Variants in LRRTM4 observed in about 807,000 individuals in gnomAD.
The protein encoded by LRRTM4 is leucine-rich repeat transmembrane neuronal protein 4.
LRRTM4 carries 25 observed loss-of-function variants against 47.6 expected under a neutral mutation model. The observed-to-expected ratio is 0.53, with a 90% CI of 0.38 to 0.73. The LOEUF is 0.73. LRRTM4 is among the 30% of genes least tolerant of loss of function. The pLI is 0.00. For missense variants in LRRTM4, 638 were observed against 713.4 expected, an observed-to-expected ratio of 0.89 and a Z score of 1.20; for synonymous variants, 311 against 269.5, an observed-to-expected ratio of 1.15 and a Z score of -1.51.
intron 3 of LRRTM4, among the ~76,000 whole-genome samples, chr2:77,289,851 T>C (rs1473242954): frequency 1.3e-5 from 2 of 152,014 alleles, no homozygotes; most frequent in Non-Finnish European, 2.9e-5. Context: ...CCCATGTTTC[T>C]CAAAATAGTG....
chr2:76,945,236 T>C (rs892683521), intron 3 of LRRTM4, among the ~76,000 whole-genome samples: 3 of 152,008 alleles, frequency 2.0e-5, no homozygotes, highest in Admixed American at 6.6e-5. Context: ...TCTAGAGAAA[T>C]TGTTCACAAA....
At chr2:76,774,048 C>A (rs35952277) in intron 3 of LRRTM4, among the ~76,000 whole-genome samples, 2,616 of 152,098 alleles carry the variant, frequency 0.017, 29 homozygotes, top group South Asian at 0.029. Context: ...TTTTGACTAC[C>A]CGAAAACTTA....
At position 76,940,812 on chromosome 2, in the gene LRRTM4, A is replaced by G. The variant is rs1258252591; in HGVS notation, c.1552-191896T>C. Among the ~76,000 whole-genome samples, 3 of 152,170 alleles carry G rather than the reference A, an allele frequency of 2.0e-5. No individual in the cohort carries two copies. In the East Asian group the frequency reaches 5.8e-4, roughly 29 times the overall value. On this transcript the variant is annotated intron_variant, in intron 3 of 3. Coordinates refer to ENST00000409884, the MANE Select transcript of LRRTM4 (RefSeq NM_001134745.3). ...TAACCTGAACTCCCTTCTTAAGCCC[A>G]GAATTTAAACCTGATAGCTTAGTCC... is the stretch of plus-strand genomic sequence containing the variant.
chr2:76,805,595 A>C (rs1368941875), intron 3 of LRRTM4, among the ~76,000 whole-genome samples: 1 of 152,220 alleles, frequency 6.6e-6, no homozygotes, highest in Non-Finnish European at 1.5e-5. Context: ...GCATATACTT[A>C]ATTGAGTGTT....
intron 3 of LRRTM4, among the ~76,000 whole-genome samples, chr2:77,249,490 A>T (rs199774860): frequency 9.8e-5 from 3 of 30,620 alleles, no homozygotes; most frequent in African/African-American, 1.6e-4. Flanking sequence ...TGAAAATATT[A>T]AAAAAAAAAC....
chr2:76,788,331 G>C (rs952222046), intron 3 of LRRTM4, among the ~76,000 whole-genome samples: 1 of 152,178 alleles, frequency 6.6e-6, no homozygotes, highest in Non-Finnish European at 1.5e-5. Flanking sequence ...ATTTGCCCTA[G>C]ATATCCGTCT....
intron 3 of LRRTM4, among the ~76,000 whole-genome samples, chr2:77,062,811 A>G (rs1424271379): frequency 6.6e-6 from 1 of 152,184 alleles, no homozygotes; most frequent in African/African-American, 2.4e-5. Flanking sequence ...ATGTTGGCAC[A>G]AGATACAATA....
Position 77,279,227 on chromosome 2 carries a change from C to T in LRRTM4, c.1551+239091G>A, listed in dbSNP as rs1055263753. 6.6e-5 allele frequency among the ~76,000 whole-genome samples: 10 copies of T among 151,926 alleles called. No individual in the cohort carries two copies. In the East Asian group the frequency reaches 7.7e-4, roughly 12 times the overall value. ...TATTATAGACTCCAAAATCTCTTTCCGTGGACCTACTAAATACATATTAAG... is the reference window on the plus strand; with the variant it reads ...TATTATAGACTCCAAAATCTCTTTCTGTGGACCTACTAAATACATATTAAG... On this transcript the variant is annotated intron_variant, in intron 3 of 3. Coordinates refer to ENST00000409884, the MANE Select transcript of LRRTM4 (RefSeq NM_001134745.3).
At chr2:77,170,585 T>C (rs906471520) in intron 3 of LRRTM4, among the ~76,000 whole-genome samples, 1 of 152,112 alleles carries the variant, frequency 6.6e-6, no homozygotes, top group Admixed American at 6.6e-5. Context: ...TAGTAACTTG[T>C]TTTTGGAGTC....
At chr2:77,392,145 A>G (rs1223958707) in intron 3 of LRRTM4, among the ~76,000 whole-genome samples, 1 of 152,018 alleles carries the variant, frequency 6.6e-6, no homozygotes, top group Non-Finnish European at 1.5e-5. Context: ...CTTCACCTAC[A>G]TGACAAGAAC....
In LRRTM4 at chr2:77,467,122, G is replaced by GTTGTTT. The variant is rs1406034003; in HGVS notation, c.1551+51195_1551+51196insAAACAA. Reference sequence around the variant, plus strand: ...AGGCTGTTTTGTTGTTGTTGTTGTTGTTGTAATCATTTTGATTATTTTGGT... The same window carrying GTTGTTT: ...AGGCTGTTTTGTTGTTGTTGTTGTTGTTGTTTTTGTAATCATTTTGATTATTTTGGT... On this transcript the variant is annotated intron_variant, in intron 3 of 3. Transcript: ENST00000409884. 2.0e-5 allele frequency among the ~76,000 whole-genome samples: 3 copies of GTTGTTT among 152,208 alleles called. No individual in the cohort carries two copies. In the South Asian group the frequency reaches 6.2e-4, roughly 32 times the overall value.
chr2:77,445,019 GT>G (rs1466074028), intron 3 of LRRTM4, among the ~76,000 whole-genome samples: 1 of 150,484 alleles, frequency 6.6e-6, no homozygotes, highest in East Asian at 1.9e-4. Flanking sequence ...AAATTCTTAG[GT>G]GATTTTTGCA....
chr2:77,095,050 T>C (rs901107007), intron 3 of LRRTM4, among the ~76,000 whole-genome samples: 5 of 152,226 alleles, frequency 3.3e-5, no homozygotes, highest in African/African-American at 9.6e-5. Flanking sequence ...GTATCCAAAA[T>C]ATGTAAGAAA....
chr2:76,918,333 A>G (rs1674322805), intron 3 of LRRTM4, among the ~76,000 whole-genome samples: 1 of 152,194 alleles, frequency 6.6e-6, no homozygotes, highest in Non-Finnish European at 1.5e-5. Context: ...TTTTTACTTG[A>G]GGTGTAATCA....
At chr2:76,910,083 C>T (rs1448944230) in intron 3 of LRRTM4, among the ~76,000 whole-genome samples, 3 of 152,010 alleles carry the variant, frequency 2.0e-5, no homozygotes, top group Non-Finnish European at 4.4e-5. Flanking sequence ...ATAGCAAAGA[C>T]TTGGAACCAA....
intron 3 of LRRTM4, among the ~76,000 whole-genome samples, chr2:77,209,069 C>T (rs538179288): frequency 1.3e-5 from 2 of 152,252 alleles, no homozygotes; most frequent in South Asian, 2.1e-4. Flanking sequence ...TGTCCTATCA[C>T]CAGCGCTCTC....
At chr2:76,922,885 C>T (rs72821289) in intron 3 of LRRTM4, among the ~76,000 whole-genome samples, 18,471 of 151,752 alleles carry the variant, frequency 0.12, 1,567 homozygotes, top group East Asian at 0.46. Flanking sequence ...ATCTCCTAGA[C>T]GGAGAAAATT....
At chr2:77,020,309 T>A (rs1327544518) in intron 3 of LRRTM4, among the ~76,000 whole-genome samples, 1 of 152,164 alleles carries the variant, frequency 6.6e-6, no homozygotes, top group Non-Finnish European at 1.5e-5. Context: ...AAGAATTAAA[T>A]CTAGTGTAGT....
chr2:77,030,359 G>A (rs1198142642), intron 3 of LRRTM4, among the ~76,000 whole-genome samples: 1 of 152,150 alleles, frequency 6.6e-6, no homozygotes, highest in Non-Finnish European at 1.5e-5. Flanking sequence ...GCTTGAACTG[G>A]GAGGCGGAGG....
Sources: gnomAD v4.1 joint callset for allele counts (sites outside exome capture counted in the v4.1 genomes callset) on GRCh38, gnomAD v4.1.1 for gene constraint, MANE v1.5 for transcripts, NCBI Gene and HGNC (gene_info 2026-07-23, HGNC 2026-07-21) for gene names.